GPATCH2: variants seen among roughly 807,000 people sequenced by gnomAD.
GPATCH2 encodes G patch domain-containing protein 2.
In GPATCH2, 51 loss-of-function variants were observed where a neutral mutation model predicts 58.0. The ratio of observed to expected loss-of-function variants is 0.88; its 90% CI spans 0.70 to 1.11. The LOEUF is 1.11. GPATCH2 is among the 50% of genes most tolerant of loss of function. The pLI, the probability that GPATCH2 is intolerant of heterozygous loss-of-function variation, is 0.00. For synonymous variants in GPATCH2, 222 were observed against 218.5 expected (o/e 1.02, Z -0.14); for missense variants, 625 against 652.2 (o/e 0.96, Z 0.45).
At chr1:217,615,976 T>C (rs1458350911) in intron 2 of GPATCH2, among the ~76,000 whole-genome samples, 1 of 152,126 alleles carries the variant, frequency 6.6e-6, no homozygotes, top group Non-Finnish European at 1.5e-5. Context: ...ACAAGTTGAC[T>C]AAAAGTAATG....
chr1:217,601,937 T>C (rs1174372829), intron 5 of GPATCH2, among the ~76,000 whole-genome samples: 2 of 152,150 alleles, frequency 1.3e-5, no homozygotes, highest in East Asian at 1.9e-4. Context: ...TGGTATTACC[T>C]AGTATCAAAA....
intron 5 of GPATCH2, among the ~76,000 whole-genome samples, chr1:217,577,375 T>C (rs1028864629): frequency 6.6e-6 from 1 of 152,218 alleles, no homozygotes; most frequent in Non-Finnish European, 1.5e-5. Context: ...CTAGTTTCAA[T>C]TGTGGCCTCT....
At chr1:217,560,063 G>T (rs1358152481) in intron 5 of GPATCH2, among the ~76,000 whole-genome samples, 1 of 152,100 alleles carries the variant, frequency 6.6e-6, no homozygotes, top group Admixed American at 6.5e-5. Context: ...TGGCCAGGAT[G>T]GTCTCGATCT....
At chr1:217,563,821 G>T (rs1666054265) in intron 5 of GPATCH2, among the ~76,000 whole-genome samples, 1 of 152,050 alleles carries the variant, frequency 6.6e-6, no homozygotes, top group Admixed American at 6.5e-5. Context: ...AAGGCGGGTG[G>T]ATCACCTGAG....
chr1:217,548,093 T>A (rs1198895295), intron 5 of GPATCH2, among the ~76,000 whole-genome samples: 3 of 152,224 alleles, frequency 2.0e-5, no homozygotes, highest in African/African-American at 7.2e-5. Flanking sequence ...CTTTTCTTCA[T>A]AATTTACCTA....
rs1418297283 is a variant in GPATCH2 at position 217,610,383 on chromosome 1, T to C, written c.1036A>G (p.Ser346Gly). Residue 346 changes from serine (S) to glycine (G), a missense_variant, in exon 5 of 10, where the codon AGT (serine) becomes GGT (glycine). Coordinates refer to ENST00000366935, the MANE Select transcript of GPATCH2 (RefSeq NM_018040.5). ...PSRRGFQARL[S>G]RLHGMSSKNI... The stretch of plus-strand genomic sequence containing the variant: ...TTTGAAGACATTCCATGAAGGCGAC[T>C]GAGTCTAGCTTGGAAACCTGTAAAA... 6.2e-7 allele frequency: 1 copy of C among 1,600,908 alleles called. No homozygotes were observed. Among genetic ancestry groups the C allele is most frequent in the Non-Finnish European group, 8.6e-7 (1 of 1,168,900 alleles).
intron 8 of GPATCH2, among the ~76,000 whole-genome samples, chr1:217,485,732 A>G (rs1661425982): frequency 6.6e-6 from 1 of 152,168 alleles, no homozygotes; most frequent in Admixed American, 6.5e-5. Context: ...TATTGCTTCT[A>G]GGGTACAAAC....
chr1:217,474,728 C>CT (rs1174753892), intron 8 of GPATCH2, among the ~76,000 whole-genome samples: 6 of 152,110 alleles, frequency 3.9e-5, no homozygotes, highest in African/African-American at 1.2e-4. Context: ...ATGCATTTAT[C>CT]TTTTTTTACC....
At chr1:217,435,227 G>C (rs1025143515) in intron 9 of GPATCH2, among the ~76,000 whole-genome samples, 1 of 152,190 alleles carries the variant, frequency 6.6e-6, no homozygotes, top group Non-Finnish European at 1.5e-5. Context: ...TGCTCAGGCA[G>C]CTTTAGCAAT....
chr1:217,622,318 T>C (rs747488876), intron 1 of GPATCH2, among the ~76,000 whole-genome samples: 1 of 152,190 alleles, frequency 6.6e-6, no homozygotes, highest in African/African-American at 2.4e-5. Context: ...GTTAGTAAAA[T>C]GTACACTGTG....
chr1:217,428,939 G>T lies in GPATCH2; in HGVS notation c.*2206C>A, dbSNP rs1658417621. On this transcript the variant is annotated 3_prime_UTR_variant, in exon 10 of 10. Coordinates refer to ENST00000366935, the MANE Select transcript of GPATCH2 (RefSeq NM_018040.5). ...ATATACTGCTCTTCTTCACTATGAG[G>T]GTTTTTACTTCCATTAGAACATAAT... The T allele has an allele frequency of 1.3e-5, 2 of 151,990 alleles. No individual in the cohort carries two copies. The highest frequency in any genetic ancestry group is 2.9e-5 in the Non-Finnish European group (2 of 68,006). The allele number at this position is 151,990 out of a possible 1,614,324, so 9.4% of individuals were successfully genotyped here. A position where few individuals can be genotyped will look rare whatever the true frequency, so the allele number is the denominator to read the frequency against.
chr1:217,575,647 C>T (rs1272069852), intron 5 of GPATCH2, among the ~76,000 whole-genome samples: 4 of 151,970 alleles, frequency 2.6e-5, no homozygotes, highest in East Asian at 1.9e-4. Context: ...AATAAAGCCT[C>T]GATCCTGGAT....
At chr1:217,493,894 T>G (rs1050112415) in intron 7 of GPATCH2, among the ~76,000 whole-genome samples, 2 of 152,076 alleles carry the variant, frequency 1.3e-5, no homozygotes, top group Admixed American at 6.5e-5. Flanking sequence ...ACTTGAACAC[T>G]ATTCCTGAGG....
At chr1:217,449,460 T>C in intron 8 of GPATCH2, 123 bp from the exon 9 acceptor site, 1 of 645,306 alleles carries the variant, frequency 1.5e-6, no homozygotes, top group Non-Finnish European at 2.8e-6. Context: ...CGTAGTAAAA[T>C]CACCAATCTT....
At chr1:217,547,235 C>A (rs1213523939) in intron 5 of GPATCH2, among the ~76,000 whole-genome samples, 3 of 151,920 alleles carry the variant, frequency 2.0e-5, no homozygotes, top group Non-Finnish European at 2.9e-5. Context: ...TGGTGGTGGG[C>A]ACCTGTAATC....
At chr1:217,549,083 T>C (rs1431000784) in intron 5 of GPATCH2, among the ~76,000 whole-genome samples, 5 of 152,176 alleles carry the variant, frequency 3.3e-5, no homozygotes, top group Non-Finnish European at 4.4e-5. Flanking sequence ...CCTCCTTCTA[T>C]ACAGCTTTGT....
intron 5 of GPATCH2, among the ~76,000 whole-genome samples, chr1:217,535,435 C>T (rs954399966): frequency 1.3e-5 from 2 of 152,016 alleles, no homozygotes; most frequent in Non-Finnish European, 1.5e-5. Flanking sequence ...CTGCAAGTTC[C>T]GCTTCTCGGG....
chr1:217,571,242 ACT>A (rs1571939714), intron 5 of GPATCH2, among the ~76,000 whole-genome samples: 1 of 152,116 alleles, frequency 6.6e-6, no homozygotes, highest in South Asian at 2.1e-4. Flanking sequence ...ACATACACAC[ACT>A]CTCTCTTTCT....
intron 1 of GPATCH2, among the ~76,000 whole-genome samples, chr1:217,629,854 C>T (rs1370430710): frequency 6.6e-6 from 1 of 152,138 alleles, no homozygotes; most frequent in East Asian, 1.9e-4. Flanking sequence ...ACAGGATGAT[C>T]AGGTCCAACT....
Sources: gnomAD v4.1 joint callset for allele counts (sites outside exome capture counted in the v4.1 genomes callset) on GRCh38, gnomAD v4.1.1 for gene constraint, MANE v1.5 for transcripts, NCBI Gene and HGNC (gene_info 2026-07-23, HGNC 2026-07-21) for gene names.